Variants in POLN observed in about 807,000 individuals in gnomAD.
POLN encodes the protein DNA polymerase N.
POLN carries 108 observed loss-of-function variants against 113.5 expected under a neutral mutation model. The ratio of observed to expected loss-of-function variants is 0.95; its 90% CI spans 0.81 to 1.12. The LOEUF is 1.12. Ranked by LOEUF, POLN falls within the 50% of genes most tolerant of loss-of-function variation. POLN has a pLI of 0.00. For synonymous variants in POLN, 386 were observed against 391.5 expected (o/e 0.99, Z 0.17); for missense variants, 1,097 against 1,077.1 (o/e 1.02, Z -0.26).
intron 16 of POLN, among the ~76,000 whole-genome samples, chr4:2,150,198 C>T (rs893361590): frequency 5.9e-5 from 9 of 151,844 alleles, no homozygotes; most frequent in African/African-American, 2.2e-4. Flanking sequence ...AAATACCATG[C>T]TAATATTCAA....
chr4:2,122,276 G>T (rs1731461220), intron 19 of POLN, among the ~76,000 whole-genome samples: 1 of 152,190 alleles, frequency 6.6e-6, no homozygotes, highest in Non-Finnish European at 1.5e-5. Flanking sequence ...TGGAGAGAGA[G>T]CAGGGGTGTT....
rs1730160558 is a variant in POLN, at chr4:2,072,159, G to A, written c.2658C>T (p.Ser886=). 6.2e-7 allele frequency: 1 copy of A among 1,612,308 alleles called. No individual in the cohort carries two copies. The change falls in exon 26 of 26, where the codon AGC becomes AGT. Residue 886 remains serine, a synonymous_variant. Transcript: ENST00000511885. ...AAAAATGCAGGGGTGGGGGCTGGGT[G>A]CTGGCAGGGGACCCAGGGGCAGCCA... ...NSLAAPGSPA[S]TQPPPLHFSP...
At position 2,193,239 on chromosome 4, in the gene POLN, A is replaced by ATG; in HGVS notation, c.985_986insCA (p.Leu329ProfsTer18). On this transcript the variant is annotated frameshift_variant, in exon 7 of 26. Transcript: ENST00000511885. LOFTEE classifies it high-confidence loss of function. ...ACTGCCATCATTGCCAAAAAACTGC[A>ATG]GCACTATTCTCACAAAATCCTTAGC... 6.2e-7 allele frequency: 1 copy of ATG among 1,610,600 alleles called. No individual in the cohort carries two copies. The highest frequency in any genetic ancestry group is 8.5e-7 in the Non-Finnish European group (1 of 1,178,374).
chr4:2,208,523 G>C, intron 4 of POLN, 36 bp from the exon 5 acceptor site: 2 of 1,422,644 alleles, frequency 1.4e-6, no homozygotes, highest in Non-Finnish European at 9.4e-7. Flanking sequence ...TTAGAATATG[G>C]ACTCATAAGA....
chr4:2,104,307 G>A (rs1290741338), intron 19 of POLN, among the ~76,000 whole-genome samples: 1 of 152,158 alleles, frequency 6.6e-6, no homozygotes, highest in Non-Finnish European at 1.5e-5. Context: ...CAGACAGTTA[G>A]GTGTTTCCAC....
intron 19 of POLN, among the ~76,000 whole-genome samples, chr4:2,114,939 T>C (rs1731280335): frequency 6.6e-6 from 1 of 151,934 alleles, no homozygotes; most frequent in South Asian, 2.1e-4. Context: ...CACTTTTTTT[T>C]TCCTTTGTAT....
intron 23 of POLN, chr4:2,076,443 G>C (rs906773113): frequency 6.6e-6 from 1 of 152,386 alleles, no homozygotes; most frequent in African/African-American, 2.4e-5. Context: ...AGCCTCTCCT[G>C]TGAGGTGGAC....
chr4:2,140,052 T>C (rs1200149079), intron 16 of POLN: 1 of 150,340 alleles, frequency 6.7e-6, no homozygotes, highest in African/African-American at 2.4e-5. Flanking sequence ...TCACCTTTTG[T>C]TGGGTACATT....
At chr4:2,102,422 C>A (rs1311711730) in intron 19 of POLN, among the ~76,000 whole-genome samples, 1 of 152,212 alleles carries the variant, frequency 6.6e-6, no homozygotes, top group Non-Finnish European at 1.5e-5. Context: ...GGCTGGCCTG[C>A]AAAGCCCATT....
At chr4:2,230,713 T>C (rs904294657) in intron 2 of POLN, 5 of 152,102 alleles carry the variant, frequency 3.3e-5, no homozygotes, top group Non-Finnish European at 7.3e-5. Context: ...AGTTTTTAGA[T>C]TGGCATTCCA....
At chr4:2,138,383 T>C (rs1731912184) in intron 16 of POLN, among the ~76,000 whole-genome samples, 2 of 152,166 alleles carry the variant, frequency 1.3e-5, no homozygotes, top group Admixed American at 1.3e-4. Context: ...GGCTTGCATT[T>C]CTGACTCTCC....
intron 21 of POLN, among the ~76,000 whole-genome samples, chr4:2,083,837 G>A (rs926772738): frequency 4.6e-5 from 7 of 152,404 alleles, no homozygotes; most frequent in Admixed American, 4.6e-4. Flanking sequence ...TGGAGGAAGA[G>A]CGGTGGAGGC....
At chr4:2,190,295 T>C (rs1392732612) in intron 7 of POLN, among the ~76,000 whole-genome samples, 1 of 151,910 alleles carries the variant, frequency 6.6e-6, no homozygotes, top group Admixed American at 6.6e-5. Context: ...GCTCCAAGAA[T>C]ATATATTGGG....
In POLN at chr4:2,127,759, G is replaced by A. The variant is rs1336569820; in HGVS notation, c.1982+354C>T. ...CACAGATGGGCTGGGGCGTGAGTAC[G>A]CAGCAAGCACCTTGGCTCTCCTCGG... On this transcript the variant is annotated intron_variant, in intron 19 of 25. Coordinates refer to ENST00000511885, the MANE Select transcript of POLN (RefSeq NM_181808.4). This position sits in a 1 kb window ranked among gnomAD's most constrained non-coding sequence, Gnocchi z 4.7. 6.6e-6 allele frequency among the ~76,000 whole-genome samples: 1 copy of A among 152,230 alleles called. No individual in the cohort carries two copies. Among genetic ancestry groups the A allele is most frequent in the East Asian group, 1.9e-4 (1 of 5,192 alleles).
chr4:2,200,591 G>A (rs1733686892), intron 5 of POLN, among the ~76,000 whole-genome samples: 1 of 152,166 alleles, frequency 6.6e-6, no homozygotes, highest in African/African-American at 2.4e-5. Context: ...GACTTGCTGG[G>A]TGGCTAGATC....
Position 2,131,118 on chromosome 4 carries a change from A to G in POLN, c.1789+115T>C, listed in dbSNP as rs1168503529. The stretch of plus-strand genomic sequence containing the variant: ...GAGAATCACCTGAGCCCAGGAGGTC[A>G]AGGCTGCAGTGAGCTGTGATCGCAC... On this transcript the variant is annotated intron_variant, in intron 17 of 25. Transcript: ENST00000511885. 4.3e-6 allele frequency: 3 copies of G among 695,282 alleles called. No homozygotes were observed. In the East Asian group the frequency reaches 8.5e-5, roughly 20 times the overall value. The allele number at this position is 695,282 out of a possible 1,614,324, so 43.1% of individuals were successfully genotyped here.
Position 2,127,262 on chromosome 4 carries a change from C to A in POLN, c.1982+851G>T, listed in dbSNP as rs973332347. On this transcript the variant is annotated intron_variant, in intron 19 of 25. Transcript: ENST00000511885. The surrounding 1 kb of genome is among the most constrained non-coding windows in gnomAD (Gnocchi z 4.7). ...CAGTGACTCAGACACACGGACCTTCCAACAGCCAGCACACACTTCCCCCTC... is the reference window on the plus strand; with the variant it reads ...CAGTGACTCAGACACACGGACCTTCAAACAGCCAGCACACACTTCCCCCTC... Among the ~76,000 whole-genome samples the A allele has an allele frequency of 6.6e-6, 1 of 151,974 alleles. No homozygotes were observed. The highest frequency in any genetic ancestry group is 2.4e-5 in the African/African-American group (1 of 41,338).
intron 9 of POLN, 47 bp downstream of exon 9, chr4:2,176,219 T>C (rs746097593): frequency 5.7e-5 from 85 of 1,482,272 alleles, no homozygotes; most frequent in Non-Finnish European, 7.7e-5. Flanking sequence ...TGAAAAGACA[T>C]CTCTTGTGAG....
At chr4:2,173,312 G>A (rs1732911330) in intron 11 of POLN, among the ~76,000 whole-genome samples, 1 of 152,136 alleles carries the variant, frequency 6.6e-6, no homozygotes, top group African/African-American at 2.4e-5. Flanking sequence ...TTGTGCAGAT[G>A]TATGAGGTAC....
Sources: allele counts gnomAD v4.1 joint callset (sites outside exome capture counted in the v4.1 genomes callset), GRCh38; gene constraint gnomAD v4.1.1; non-coding constraint Gnocchi (gnomAD v3.1); transcripts MANE v1.5; gene names NCBI Gene and HGNC (gene_info 2026-07-23, HGNC 2026-07-21).